The following LRRC31 variants were observed in gnomAD, a reference collection of about 807,000 sequenced individuals.
The protein encoded by LRRC31 is leucine-rich repeat-containing protein 31.
A neutral mutation model predicts 46.7 loss-of-function variants in LRRC31; 35 were observed. The observed-to-expected ratio is 0.75, with a 90% CI of 0.57 to 0.99. The LOEUF (loss-of-function observed/expected upper bound fraction) is 0.99. LRRC31 is among the 50% of genes least tolerant of loss of function. The probability of loss-of-function intolerance (pLI) is 0.00; values close to 1 mark genes in which losing one functional copy is unlikely to be tolerated. For missense variants in LRRC31, 613 were observed against 626.1 expected (o/e 0.98, Z 0.22); for synonymous variants, 236 against 235.1 (o/e 1.00, Z -0.03).
intron 8 of LRRC31, among the ~76,000 whole-genome samples, chr3:169,846,471 G>T (rs971605160): frequency 6.6e-6 from 1 of 152,128 alleles, no homozygotes; most frequent in Non-Finnish European, 1.5e-5. Context: ...CCAACAGGGC[G>T]AAACCCCGTC....
At chr3:169,859,317 G>A (rs1336227636) in intron 3 of LRRC31, among the ~76,000 whole-genome samples, 2 of 147,702 alleles carry the variant, frequency 1.4e-5, no homozygotes, top group East Asian at 4.2e-4. Flanking sequence ...GGCCGGGGGG[G>A]CGGGTAGGCA....
In LRRC31 at chr3:169,851,627, G is replaced by C. The variant is rs749686945; in HGVS notation, c.1151C>G (p.Thr384Arg). Residue 384 changes from threonine (T) to arginine (R), a missense_variant, in exon 7 of 9, where the codon ACA becomes AGA. By Grantham distance (71) the Thr-to-Arg change is moderately conservative. Transcript: ENST00000316428. Reference sequence around the variant, plus strand: ...TCTGGGAAATCTCTTACCAAGAGCTGTAAAAGTCTCACTCTCCAAAGCACA... The same window carrying C: ...TCTGGGAAATCTCTTACCAAGAGCTCTAAAAGTCTCACTCTCCAAAGCACA... Reference protein sequence around the residue: ...NNCALESETFTALAEASVHLS... With the variant: ...NNCALESETFRALAEASVHLS... 6.2e-7 allele frequency: 1 copy of C among 1,613,656 alleles called. No individual in the cohort carries two copies. Among genetic ancestry groups the C allele is most frequent in the Admixed American group, 1.7e-5 (1 of 59,916 alleles).
Position 169,858,605 on chromosome 3 carries a change from T to A in LRRC31, c.488-1733A>T, listed in dbSNP as rs568578532. On this transcript the variant is annotated intron_variant, in intron 3 of 8. Transcript: ENST00000316428. Reference sequence around the variant, plus strand: ...TAGGCACTTTACAGAAATTGTTTAATCCTTGCAACAATTTTTTGAGAGGGA... The same window carrying A: ...TAGGCACTTTACAGAAATTGTTTAAACCTTGCAACAATTTTTTGAGAGGGA... Among the ~76,000 whole-genome samples the A allele has an allele frequency of 3.5e-3, 538 of 152,324 alleles. 2 individuals are homozygous for A. The highest frequency in any genetic ancestry group is 6.8e-3 in the Middle Eastern group (2 of 294).
intron 7 of LRRC31, 46 bp from the exon 8 acceptor site, chr3:169,848,333 C>A: frequency 6.3e-7 from 1 of 1,577,056 alleles, no homozygotes; most frequent in South Asian, 1.1e-5. Flanking sequence ...GGATTTCTTA[C>A]AGATCATAGG....
At chr3:169,864,254 C>T (rs1200718951) in intron 1 of LRRC31, among the ~76,000 whole-genome samples, 1 of 152,146 alleles carries the variant, frequency 6.6e-6, no homozygotes, top group Admixed American at 6.5e-5. Flanking sequence ...CCCACATTTA[C>T]AAGCTAACCC....
chr3:169,848,290 A>G lies in LRRC31; in HGVS notation c.1160-3T>C, dbSNP rs1400959372. ...AGAGAGGTGAACAGAGGCTTCAGCT[A>G]AAAGTGATAACAATACGAACAGCAG... On this transcript the variant is annotated splice_polypyrimidine_tract_variant and splice_region_variant and intron_variant, in intron 7 of 8. Transcript: ENST00000316428. The G allele has an allele frequency of 5.6e-6, 9 of 1,613,414 alleles. No individual in the cohort carries two copies. The highest frequency in any genetic ancestry group is 6.8e-6 in the Non-Finnish European group (8 of 1,179,440).
intron 2 of LRRC31, 119 bp from the exon 3 acceptor site, chr3:169,860,847 T>TA: frequency 9.8e-7 from 1 of 1,023,198 alleles, no homozygotes; most frequent in Non-Finnish European, 1.4e-6. Flanking sequence ...TAGACAGTGG[T>TA]AGGCACGCTG....
At chr3:169,866,077 T>A (rs1328119396) in intron 1 of LRRC31, among the ~76,000 whole-genome samples, 1 of 152,106 alleles carries the variant, frequency 6.6e-6, no homozygotes, top group Non-Finnish European at 1.5e-5. Context: ...AGGGCCATGC[T>A]TGGGAATATA....
At position 169,866,867 on chromosome 3, in the gene LRRC31, C is replaced by A. The variant is rs567194487; in HGVS notation, c.175+2766G>T. Reference sequence around the variant, plus strand: ...GTTCCAGCTACTTGGGAGGCTGAGACAAGAGAATCACTTGAACCTGGGAGG... The same window carrying A: ...GTTCCAGCTACTTGGGAGGCTGAGAAAAGAGAATCACTTGAACCTGGGAGG... On this transcript the variant is annotated intron_variant, in intron 1 of 8. Transcript: ENST00000316428. Among the ~76,000 whole-genome samples the A allele has an allele frequency of 4.1e-4, 63 of 152,046 alleles. No homozygotes were observed. In the East Asian group the frequency reaches 7.5e-3, roughly 18 times the overall value.
intron 7 of LRRC31, among the ~76,000 whole-genome samples, chr3:169,851,085 C>T (rs1780748753): frequency 3.9e-5 from 6 of 152,058 alleles, no homozygotes; most frequent in Admixed American, 3.9e-4. Flanking sequence ...GGAGTGATTG[C>T]TTGGCAGTTA....
At chr3:169,866,948 C>T (rs1560635983) in intron 1 of LRRC31, among the ~76,000 whole-genome samples, 1 of 150,292 alleles carries the variant, frequency 6.7e-6, no homozygotes. Flanking sequence ...GGTGACGGTG[C>T]GAAACTCTGT....
intron 7 of LRRC31, among the ~76,000 whole-genome samples, chr3:169,850,771 T>C (rs1780736593): frequency 6.6e-6 from 1 of 152,148 alleles, no homozygotes; most frequent in African/African-American, 2.4e-5. Flanking sequence ...ACATAGGATA[T>C]GCTCAATAAA....
chr3:169,848,640 A>C (rs566997098), intron 7 of LRRC31, among the ~76,000 whole-genome samples: 33 of 152,208 alleles, frequency 2.2e-4, no homozygotes, highest in African/African-American at 7.7e-4. Context: ...TTGTATTTTA[A>C]TAGAGACGCT....
In LRRC31 at chr3:169,861,626, G is replaced by T. The variant is rs773988112; in HGVS notation, c.319+44C>A. 4.4e-6 allele frequency: 7 copies of T among 1,596,886 alleles called. No individual in the cohort carries two copies. In the East Asian group the frequency reaches 1.6e-4, roughly 36 times the overall value. ...TATGTTTTATCTGCTTATCTCAATG[G>T]AAAGGCCCTATCTTCCTCTATGCAA... On this transcript the variant is annotated intron_variant, in intron 2 of 8. Coordinates refer to ENST00000316428, the MANE Select transcript of LRRC31 (RefSeq NM_024727.4).
At chr3:169,867,920 C>G (rs948101657) in intron 1 of LRRC31, among the ~76,000 whole-genome samples, 3 of 151,946 alleles carry the variant, frequency 2.0e-5, no homozygotes, top group Non-Finnish European at 4.4e-5. Context: ...AGAAAGAAAG[C>G]CAAAGATACT....
chr3:169,856,650 CA>C lies in LRRC31; in HGVS notation c.655+54del, dbSNP rs941822214. 4.0e-6 allele frequency: 6 copies of C among 1,493,124 alleles called. No homozygotes were observed. In the African/African-American group the frequency reaches 8.5e-5, roughly 21 times the overall value. The allele number at this position is 1,493,124 out of a possible 1,614,324, so 92.5% of individuals were successfully genotyped here. A position where few individuals can be genotyped will look rare whatever the true frequency, so the allele number is the denominator to read the frequency against. On this transcript the variant is annotated intron_variant, in intron 4 of 8. Coordinates refer to ENST00000316428, the MANE Select transcript of LRRC31 (RefSeq NM_024727.4). ...ATAAGACAAAACACAGCAAACTTCC[CA>C]AGCTATCCAGTGGGCATCTTCACTT...
In LRRC31 at chr3:169,856,345, T is replaced by C. The variant is rs779862142; in HGVS notation, c.814A>G (p.Lys272Glu). 1 of 1,570,622 alleles carries C rather than the reference T, an allele frequency of 6.4e-7. No homozygotes were observed. The highest frequency in any genetic ancestry group is 8.6e-7 in the Non-Finnish European group (1 of 1,158,380). ...HSCGLSQKSV[K>E]ILDAAFRYLG... ...GCCATTGTTAACTCACCCAATATTTTGACACTCTTTTGTGATAATCCACAT... is the reference window on the plus strand; with the variant it reads ...GCCATTGTTAACTCACCCAATATTTCGACACTCTTTTGTGATAATCCACAT... The change falls in exon 5 of 9, where the codon AAA becomes GAA. Residue 272 changes from lysine (K) to glutamate (E), a missense_variant. Lys to Glu is a moderately conservative substitution (Grantham distance 56, BLOSUM62 1). Transcript: ENST00000316428.
intron 7 of LRRC31, among the ~76,000 whole-genome samples, chr3:169,851,039 T>C (rs759865268): frequency 6.6e-6 from 1 of 152,136 alleles, no homozygotes; most frequent in Non-Finnish European, 1.5e-5. Context: ...CCTTAAGGCA[T>C]ACCCAGATTC....
At chr3:169,846,064 A>G (rs977470701) in intron 8 of LRRC31, among the ~76,000 whole-genome samples, 1 of 152,248 alleles carries the variant, frequency 6.6e-6, no homozygotes, top group Non-Finnish European at 1.5e-5. Flanking sequence ...TAGAACAGAC[A>G]TTTCACCAAA....
Sources: allele counts gnomAD v4.1 joint callset (sites outside exome capture counted in the v4.1 genomes callset), GRCh38; gene constraint gnomAD v4.1.1; transcripts MANE v1.5; gene names NCBI Gene and HGNC (gene_info 2026-07-23, HGNC 2026-07-21).